MTA3: variants seen among roughly 807,000 people sequenced by gnomAD.
The protein encoded by MTA3 is metastasis-associated protein MTA3.
A neutral mutation model predicts 83.5 loss-of-function variants in MTA3; 34 were observed. The observed-to-expected ratio is 0.41, with a 90% confidence interval of 0.31 to 0.54. The LOEUF (loss-of-function observed/expected upper bound fraction) is 0.54, where lower values mean the gene tolerates loss of function less well. Ranked by LOEUF, MTA3 falls within the 20% of genes least tolerant of loss-of-function variation. The pLI is 0.33. For synonymous variants in MTA3, 303 were observed against 252.7 expected (o/e 1.20, Z -1.89); for missense variants, 761 against 726.4 (o/e 1.05, Z -0.55).
Position 42,510,631 on chromosome 2 carries a change from G to C in MTA3, c.-141+15377G>C, listed in dbSNP as rs550247286. On this transcript the variant is annotated intron_variant, in intron 2 of 17. Coordinates refer to the MTA3 transcript ENST00000405592. ...ACTGCTTCTTTCCTGTAGTATCTTG[G>C]CTTAGAAACTATAGAAAATATGGGG... Among the ~76,000 whole-genome samples, 12 of 152,282 alleles carry C rather than the reference G, an allele frequency of 7.9e-5. No individual in the cohort carries two copies. In the South Asian group the frequency reaches 8.3e-4, roughly 11 times the overall value.
chr2:42,678,143 T>C (rs1039512931), intron 8 of MTA3, among the ~76,000 whole-genome samples: 1 of 151,928 alleles, frequency 6.6e-6, no homozygotes, highest in Admixed American at 6.6e-5. Context: ...TCTTGTGTTT[T>C]GTTTTTTTTT....
intron 16 of MTA3, among the ~76,000 whole-genome samples, chr2:42,737,293 C>T (rs1668683462): frequency 6.6e-6 from 1 of 152,184 alleles, no homozygotes; most frequent in South Asian, 2.1e-4. Flanking sequence ...CTTGCCAGAA[C>T]TCAGGTTCCA....
intron 3 of MTA3, among the ~76,000 whole-genome samples, chr2:42,606,779 G>A (rs1482979199): frequency 2.0e-5 from 3 of 151,534 alleles, no homozygotes; most frequent in East Asian, 3.9e-4. Flanking sequence ...CTGCACCCCA[G>A]CCTGGGCACC....
chr2:42,576,362 G>C (rs1319720188), intron 2 of MTA3, among the ~76,000 whole-genome samples: 1 of 152,242 alleles, frequency 6.6e-6, no homozygotes, highest in Non-Finnish European at 1.5e-5. Flanking sequence ...GGAACCATGG[G>C]AAGAGAGGAC....
At chr2:42,594,062 C>A (rs894202055) in intron 3 of MTA3, among the ~76,000 whole-genome samples, 1 of 150,346 alleles carries the variant, frequency 6.7e-6, no homozygotes, top group African/African-American at 2.4e-5. Flanking sequence ...AGCGATTCTT[C>A]TGCCTCAGCC....
intron 2 of MTA3, among the ~76,000 whole-genome samples, chr2:42,556,391 T>G: frequency 6.6e-6 from 1 of 152,236 alleles, no homozygotes; most frequent in Non-Finnish European, 1.5e-5. Context: ...TTTGTGACGC[T>G]CTCTGCCTTA....
chr2:42,742,500 C>G (rs1234478006), intron 16 of MTA3, among the ~76,000 whole-genome samples: 1 of 151,752 alleles, frequency 6.6e-6, no homozygotes, highest in Non-Finnish European at 1.5e-5. Flanking sequence ...TGCCGATATA[C>G]CAAATATAAA....
intron 2 of MTA3, among the ~76,000 whole-genome samples, chr2:42,514,953 A>T (rs1487044077): frequency 2.6e-5 from 4 of 151,332 alleles, no homozygotes; most frequent in Non-Finnish European, 5.9e-5. Context: ...GACCTCCCAA[A>T]GCGCTGGGAT....
At chr2:42,753,330 A>G (rs1375146164) in intron 16 of MTA3, 44 bp from the exon 17 acceptor site, 22 of 1,550,028 alleles carry the variant, frequency 1.4e-5, no homozygotes, top group Non-Finnish European at 2.6e-6. Flanking sequence ...TGCCTCCACC[A>G]TCGGGACTTG....
At chr2:42,618,690 C>T (rs1370658474) in intron 4 of MTA3, among the ~76,000 whole-genome samples, 1 of 152,154 alleles carries the variant, frequency 6.6e-6, no homozygotes, top group Non-Finnish European at 1.5e-5. Flanking sequence ...TCACTGTGGC[C>T]TCCACCTCAT....
chr2:42,601,835 A>G (rs1184324104), intron 3 of MTA3, among the ~76,000 whole-genome samples: 1 of 151,982 alleles, frequency 6.6e-6, no homozygotes, highest in Non-Finnish European at 1.5e-5. Flanking sequence ...GTGCACCACC[A>G]CTGCCAGCTG....
At position 42,704,336 on chromosome 2, in the gene MTA3, G is replaced by C. The variant is rs1318466908; in HGVS notation, c.1150+18G>C. 1 of 1,613,010 alleles carries C rather than the reference G, an allele frequency of 6.2e-7. No homozygotes were observed. Among genetic ancestry groups the C allele is most frequent in the African/African-American group, 1.3e-5 (1 of 74,900 alleles). Reference sequence around the variant, plus strand: ...CTGCTATGGTAAGTTTTCTCTAGCAGGTCAGTTAAGCATCGGGAACTGTTC... The same window carrying C: ...CTGCTATGGTAAGTTTTCTCTAGCACGTCAGTTAAGCATCGGGAACTGTTC... On this transcript the variant is annotated intron_variant, in intron 12 of 16. Transcript: ENST00000405094.
intron 2 of MTA3, among the ~76,000 whole-genome samples, chr2:42,530,961 C>A (rs1474321870): frequency 4.6e-5 from 7 of 151,996 alleles, no homozygotes; most frequent in Non-Finnish European, 1.5e-5. Context: ...CCCCGAGTAT[C>A]TGGGACCACA....
intron 3 of MTA3, among the ~76,000 whole-genome samples, chr2:42,585,197 C>G (rs748914433): frequency 3.3e-5 from 5 of 151,978 alleles, no homozygotes; most frequent in African/African-American, 9.7e-5. Flanking sequence ...TCAGGCAATT[C>G]CCTGCCTCAG....
chr2:42,657,421 C>T (rs1689270309), intron 7 of MTA3, among the ~76,000 whole-genome samples: 1 of 152,122 alleles, frequency 6.6e-6, no homozygotes, highest in Admixed American at 6.6e-5. Flanking sequence ...CTTGTGGCCC[C>T]TTGTTGAGTA....
chr2:42,600,053 C>T (rs1029922217), intron 3 of MTA3, among the ~76,000 whole-genome samples: 1 of 151,676 alleles, frequency 6.6e-6, no homozygotes, highest in Non-Finnish European at 1.5e-5. Flanking sequence ...AAAAAATTAG[C>T]TGGGTGTGGC....
intron 8 of MTA3, among the ~76,000 whole-genome samples, chr2:42,663,785 A>T (rs1689958292): frequency 6.6e-6 from 1 of 152,156 alleles, no homozygotes; most frequent in African/African-American, 2.4e-5. Flanking sequence ...TAGTTTCTGT[A>T]ATACTTGCCT....
intron 2 of MTA3, among the ~76,000 whole-genome samples, chr2:42,531,041 G>C (rs1675940632): frequency 6.6e-6 from 1 of 152,154 alleles, no homozygotes; most frequent in Admixed American, 6.5e-5. Flanking sequence ...TGTTGGCCAG[G>C]CTGGTCCTGA....
chr2:42,653,791 C>T (rs1420639983), intron 6 of MTA3, among the ~76,000 whole-genome samples: 2 of 152,144 alleles, frequency 1.3e-5, no homozygotes, highest in African/African-American at 2.4e-5. Context: ...GAAAAATAAA[C>T]ATCAATTGTA....
Sources: allele counts gnomAD v4.1 joint callset (sites outside exome capture counted in the v4.1 genomes callset), GRCh38; gene constraint gnomAD v4.1.1; transcripts MANE v1.5; gene names NCBI Gene and HGNC (gene_info 2026-07-23, HGNC 2026-07-21).